Variants in PKHD1 observed in about 807,000 individuals in gnomAD.
PKHD1 encodes the protein PKHD1 ciliary IPT domain containing fibrocystin/polyductin.
Under a neutral mutation model 412.0 loss-of-function variants are expected in PKHD1, and 291 were observed. The ratio of observed to expected loss-of-function variants is 0.71; its 90% CI spans 0.64 to 0.78. The LOEUF (loss-of-function observed/expected upper bound fraction) is 0.78, where lower values mean the gene tolerates loss of function less well. Ranked by LOEUF, PKHD1 falls within the 30% of genes least tolerant of loss-of-function variation. The pLI is 0.00. For missense variants in PKHD1, 4,825 were observed against 4,950.7 expected, an observed-to-expected ratio of 0.97 and a Z score of 0.76; for synonymous variants, 1,777 against 1,821.5, an observed-to-expected ratio of 0.98 and a Z score of 0.62.
intron 56 of PKHD1, 130 bp downstream of exon 56, chr6:51,754,654 A>G: frequency 1.3e-6 from 1 of 763,914 alleles, no homozygotes; most frequent in Non-Finnish European, 2.3e-6. Flanking sequence ...ACGTAGCATG[A>G]GTCTAGGTCA....
chr6:51,899,447 C>T (rs1780816037), intron 43 of PKHD1, among the ~76,000 whole-genome samples: 1 of 152,082 alleles, frequency 6.6e-6, no homozygotes, highest in South Asian at 2.1e-4. Flanking sequence ...GCAGAAAAGG[C>T]CTTTGACAAA....
At chr6:51,999,356 T>G (rs1798087350) in intron 35 of PKHD1, among the ~76,000 whole-genome samples, 3 of 152,084 alleles carry the variant, frequency 2.0e-5, no homozygotes, top group African/African-American at 7.3e-5. Flanking sequence ...CACAGGAGTT[T>G]TTGTTTTTGT....
At chr6:51,994,138 C>CT (rs34571890) in intron 35 of PKHD1, among the ~76,000 whole-genome samples, 64,112 of 143,844 alleles carry the variant, frequency 0.45, 15,603 homozygotes, top group Admixed American at 0.58. Context: ...TTTTTTCTTT[C>CT]TTTTTTTTTT....
intron 14 of PKHD1, among the ~76,000 whole-genome samples, chr6:52,060,306 A>T (rs1265772271): frequency 3.3e-5 from 5 of 152,218 alleles, no homozygotes; most frequent in Non-Finnish European, 7.3e-5. Context: ...ACACAGCTAT[A>T]CGGAAGCTTA....
intron 60 of PKHD1, among the ~76,000 whole-genome samples, chr6:51,687,121 A>C (rs1777544629): frequency 6.6e-6 from 1 of 152,174 alleles, no homozygotes; most frequent in South Asian, 2.1e-4. Flanking sequence ...GAAATGGATA[A>C]TACTATTTCT....
At chr6:51,825,871 G>T (rs898604592) in intron 52 of PKHD1, among the ~76,000 whole-genome samples, 1 of 151,978 alleles carries the variant, frequency 6.6e-6, no homozygotes, top group Admixed American at 6.6e-5. Context: ...TAAGTGGGGT[G>T]GTGGGCTTTA....
intron 61 of PKHD1, among the ~76,000 whole-genome samples, chr6:51,649,657 T>TA (rs1206656915): frequency 6.6e-6 from 1 of 152,164 alleles, no homozygotes; most frequent in Non-Finnish European, 1.5e-5. Flanking sequence ...TTCTGTGATA[T>TA]AAATACCACC....
Position 52,010,465 on chromosome 6 carries a change from A to G in PKHD1, c.5601-6T>C. On this transcript the variant is annotated splice_polypyrimidine_tract_variant and splice_region_variant and intron_variant, in intron 34 of 66. Transcript: ENST00000371117. ...CATCTCTTTCCAATTTAGGGCTGAA[A>G]CGAGAGGGGAGGTTAAATGGGGTGT... 1.3e-6 allele frequency: 2 copies of G among 1,576,302 alleles called. No individual in the cohort carries two copies. Among genetic ancestry groups the G allele is most frequent in the African/African-American group, 1.3e-5 (1 of 74,360 alleles).
At chr6:52,022,707 TC>T (rs751574076) in intron 33 of PKHD1, 93 bp downstream of exon 33, 127 of 1,264,288 alleles carry the variant, frequency 1.0e-4, no homozygotes, top group Non-Finnish European at 1.4e-4. Flanking sequence ...AAATTAGTAG[TC>T]AGTACAGCAT....
At chr6:51,632,752 T>A in intron 64 of PKHD1, 29 bp from the exon 65 acceptor site, 7 of 1,583,364 alleles carry the variant, frequency 4.4e-6, no homozygotes, top group Non-Finnish European at 6.1e-6. Context: ...GATGTTTCAA[T>A]GATATGTTAA....
intron 43 of PKHD1, among the ~76,000 whole-genome samples, chr6:51,895,532 T>A (rs1307113572): frequency 1.3e-5 from 2 of 152,226 alleles, no homozygotes; most frequent in Non-Finnish European, 2.9e-5. Context: ...CCACATAATT[T>A]GGTTATAGGT....
intron 60 of PKHD1, among the ~76,000 whole-genome samples, chr6:51,664,209 C>T (rs1581921922): frequency 2.0e-5 from 3 of 152,078 alleles, no homozygotes; most frequent in African/African-American, 7.2e-5. Flanking sequence ...GGCTGGTCAC[C>T]CAAGCCATTT....
At chr6:51,672,395 A>G (rs2150510716) in intron 60 of PKHD1, among the ~76,000 whole-genome samples, 1 of 152,306 alleles carries the variant, frequency 6.6e-6, no homozygotes, top group East Asian at 1.9e-4. Context: ...GAATTATCCT[A>G]ATTCTGGTTA....
rs373367366 is a variant in PKHD1 at position 52,050,219 on chromosome 6, C to T, written c.2217G>A (p.Pro739=). 51 of 1,614,140 alleles carry T rather than the reference C, an allele frequency of 3.2e-5. No individual in the cohort carries two copies. The highest frequency in any genetic ancestry group is 2.9e-4 in the South Asian group (26 of 91,080). Residue 739 remains proline (P), a synonymous_variant, in exon 22 of 67, where the codon CCG becomes CCA. Coordinates refer to ENST00000371117, the MANE Select transcript of PKHD1 (RefSeq NM_138694.4). ...CCAGCCAGGAGGTGACACTGTAGAC[C>T]GGAGGGGATCCCACCACAGAGACTG... ...VESVSVVGSP[P]VYSVTSWLAG...
intron 50 of PKHD1, 57 bp downstream of exon 50, chr6:51,847,718 G>A (rs1439951809): frequency 3.4e-6 from 4 of 1,193,026 alleles, no homozygotes; most frequent in Non-Finnish European, 5.0e-6. Flanking sequence ...GAATTGAAGG[G>A]TGATTGGTGA....
intron 27 of PKHD1, among the ~76,000 whole-genome samples, chr6:52,040,674 C>A (rs372720696): frequency 5.3e-5 from 8 of 152,278 alleles, no homozygotes; most frequent in African/African-American, 1.9e-4. Flanking sequence ...CTTTTTGTTC[C>A]TTGATGTTCC....
intron 52 of PKHD1, among the ~76,000 whole-genome samples, chr6:51,826,313 T>G (rs192895988): frequency 6.6e-6 from 1 of 152,302 alleles, no homozygotes; most frequent in African/African-American, 2.4e-5. Context: ...CTCCCATTCA[T>G]GTCTTCAAAT....
At chr6:51,668,727 C>A in intron 60 of PKHD1, among the ~76,000 whole-genome samples, 1 of 152,076 alleles carries the variant, frequency 6.6e-6, no homozygotes, top group Non-Finnish European at 1.5e-5. Context: ...CCCATCAATA[C>A]CTAATTTATT....
intron 50 of PKHD1, among the ~76,000 whole-genome samples, chr6:51,839,007 T>A (rs1769718130): frequency 6.6e-6 from 1 of 152,210 alleles, no homozygotes; most frequent in African/African-American, 2.4e-5. Flanking sequence ...CAGGTGCCAG[T>A]CAACAAGGTT....
Sources: allele counts gnomAD v4.1 joint callset (sites outside exome capture counted in the v4.1 genomes callset), GRCh38; gene constraint gnomAD v4.1.1; transcripts MANE v1.5; gene names NCBI Gene and HGNC (gene_info 2026-07-23, HGNC 2026-07-21).